Variants in ZNF573 observed in about 807,000 individuals in gnomAD.
The protein encoded by ZNF573 is zinc finger protein 573.
ZNF573 carries 41 observed loss-of-function variants against 57.4 expected under a neutral mutation model. The ratio of observed to expected loss-of-function variants is 0.71; its 90% CI spans 0.56 to 0.93. The LOEUF (loss-of-function observed/expected upper bound fraction) is 0.93, where lower values mean the gene tolerates loss of function less well. ZNF573 is among the 40% of genes least tolerant of loss of function. ZNF573 has a pLI of 0.00. For synonymous variants in ZNF573, 249 were observed against 261.0 expected, an observed-to-expected ratio of 0.95 and a Z score of 0.44; for missense variants, 730 against 794.8, an observed-to-expected ratio of 0.92 and a Z score of 0.98.
chr19:37,761,121 C>T (rs1007059895), intron 4 of ZNF573, among the ~76,000 whole-genome samples: 6 of 152,060 alleles, frequency 3.9e-5, no homozygotes, highest in Admixed American at 1.3e-4. Context: ...GCCTGGGAGG[C>T]GGAGGTGGCA....
At chr19:37,776,105 A>G (rs1377771244) in intron 1 of ZNF573, among the ~76,000 whole-genome samples, 1 of 152,190 alleles carries the variant, frequency 6.6e-6, no homozygotes, top group Non-Finnish European at 1.5e-5. Flanking sequence ...AAATACCATC[A>G]CCATTCTTCA....
rs765137370 is a variant in ZNF573 at position 37,739,130 on chromosome 19, A to G, written c.1360T>C (p.Tyr454His). Residue 454 changes from tyrosine (Y) to histidine (H), a missense_variant, in exon 5 of 5, where the codon TAT becomes CAT. Coordinates refer to ENST00000536220, the MANE Select transcript of ZNF573 (RefSeq NM_001172690.2). ...CKECKKTFTL[Y>H]RNLTRHQNIH... ...TTCTGATGTCGAGTAAGATTTCTAT[A>G]CAAAGTAAAGGTTTTTTTACACTCC... 1 of 1,613,098 alleles carries G rather than the reference A, an allele frequency of 6.2e-7. No homozygotes were observed. Among genetic ancestry groups the G allele is most frequent in the Non-Finnish European group, 8.5e-7 (1 of 1,179,756 alleles).
intron 4 of ZNF573, among the ~76,000 whole-genome samples, chr19:37,752,835 A>G (rs1324202615): frequency 6.6e-6 from 1 of 152,084 alleles, no homozygotes; most frequent in East Asian, 1.9e-4. Context: ...GGATCCTACT[A>G]TGTTGCCCAA....
chr19:37,768,450 T>C, intron 4 of ZNF573, among the ~76,000 whole-genome samples: 1 of 152,062 alleles, frequency 6.6e-6, no homozygotes, highest in Non-Finnish European at 1.5e-5. Flanking sequence ...GCTTCAGCCA[T>C]CTCCTTAGCC....
In ZNF573 at chr19:37,739,098, G is replaced by A. The variant is rs774509315; in HGVS notation, c.1392C>T (p.His464=). ...GACATTCAAAAAGTTTCTTACCAGT[G>A]TGAATATTCTGATGTCGAGTAAGAT... ...YRNLTRHQNI[H]TGKKLFECQE... Residue 464 remains histidine (H), a synonymous_variant, in exon 5 of 5, where the codon CAC becomes CAT. Coordinates refer to ENST00000536220, the MANE Select transcript of ZNF573 (RefSeq NM_001172690.2). The A allele has an allele frequency of 7.2e-5, 116 of 1,613,196 alleles. No homozygotes were observed. The highest frequency in any genetic ancestry group is 9.7e-5 in the Non-Finnish European group (114 of 1,179,704).
In ZNF573 at chr19:37,740,208, GGAC is replaced by G; in HGVS notation, c.296-17_296-15del. ...GTAAATCCAAATCTGAAACAAAAGA[GGAC>G]AACAAAAAAAATTTGTATTTCTATA... On this transcript the variant is annotated splice_polypyrimidine_tract_variant and intron_variant, in intron 4 of 4. Coordinates refer to ENST00000536220, the MANE Select transcript of ZNF573 (RefSeq NM_001172690.2). 6.5e-7 allele frequency: 1 copy of G among 1,527,016 alleles called. No homozygotes were observed. Among genetic ancestry groups the G allele is most frequent in the South Asian group, 1.3e-5 (1 of 76,254 alleles). The allele number at this position is 1,527,016 out of a possible 1,614,324, so 94.6% of individuals were successfully genotyped here.
chr19:37,749,930 AAT>A (rs2045417316), intron 4 of ZNF573, among the ~76,000 whole-genome samples: 1 of 152,212 alleles, frequency 6.6e-6, no homozygotes, highest in African/African-American at 2.4e-5. Context: ...AGCATTATGT[AAT>A]TTGCATAAGT....
chr19:37,743,497 T>C (rs2045347869), intron 4 of ZNF573, among the ~76,000 whole-genome samples: 1 of 152,128 alleles, frequency 6.6e-6, no homozygotes, highest in Non-Finnish European at 1.5e-5. Flanking sequence ...CAATAGATGC[T>C]GGTGAGGCTG....
chr19:37,748,692 G>A (rs896480442), intron 4 of ZNF573, among the ~76,000 whole-genome samples: 1 of 152,070 alleles, frequency 6.6e-6, no homozygotes. Context: ...ACTTTGGGAG[G>A]CCAAGGCAGG....
Position 37,771,546 on chromosome 19 carries a change from T to G in ZNF573, c.202+18A>C. Reference sequence around the variant, plus strand: ...ATCACAGATCACATTTTAAATTACTTGAGGCAAATAAACTTACCCAGTGAT... The same window carrying G: ...ATCACAGATCACATTTTAAATTACTGGAGGCAAATAAACTTACCCAGTGAT... On this transcript the variant is annotated intron_variant, in intron 3 of 4. Coordinates refer to ENST00000536220, the MANE Select transcript of ZNF573 (RefSeq NM_001172690.2). 2.5e-6 allele frequency: 4 copies of G among 1,608,286 alleles called. No individual in the cohort carries two copies. Among genetic ancestry groups the G allele is most frequent in the Non-Finnish European group, 3.4e-6 (4 of 1,177,410 alleles).
intron 4 of ZNF573, among the ~76,000 whole-genome samples, chr19:37,761,647 T>A (rs1354146533): frequency 6.6e-6 from 1 of 152,220 alleles, no homozygotes; most frequent in African/African-American, 2.4e-5. Context: ...AAGGAAGGAA[T>A]ACGTGTTCTG....
intron 1 of ZNF573, chr19:37,778,651 G>C (rs2045734517): frequency 6.6e-6 from 1 of 152,038 alleles, no homozygotes; most frequent in Non-Finnish European, 1.5e-5. Context: ...AAGCCAACTA[G>C]CCTAAACATT....
chr19:37,753,941 T>C (rs554914379), intron 4 of ZNF573, among the ~76,000 whole-genome samples: 3 of 152,318 alleles, frequency 2.0e-5, no homozygotes, highest in Admixed American at 2.0e-4. Flanking sequence ...AGTTTAAATA[T>C]ACAAGAACTC....
At chr19:37,749,135 A>G (rs1286655571) in intron 4 of ZNF573, among the ~76,000 whole-genome samples, 7 of 151,972 alleles carry the variant, frequency 4.6e-5, no homozygotes, top group African/African-American at 1.7e-4. Context: ...TACATAGTTA[A>G]GAGGTGAAAT....
intron 3 of ZNF573, among the ~76,000 whole-genome samples, chr19:37,771,230 C>A (rs931150867): frequency 1.3e-5 from 2 of 151,550 alleles, no homozygotes; most frequent in Non-Finnish European, 2.9e-5. Context: ...GAAATATGCA[C>A]AATGGGAAAC....
intron 4 of ZNF573, among the ~76,000 whole-genome samples, chr19:37,756,320 G>A (rs768866466): frequency 4.6e-5 from 7 of 152,146 alleles, no homozygotes; most frequent in Non-Finnish European, 8.8e-5. Context: ...TTCATGTTAT[G>A]CTTTATGAGG....
intron 2 of ZNF573, 73 bp downstream of exon 2, chr19:37,773,588 G>T: frequency 8.3e-7 from 1 of 1,207,560 alleles, no homozygotes; most frequent in Non-Finnish European, 1.2e-6. Flanking sequence ...TAAATAGGAA[G>T]CCTTAGGTTA....
chr19:37,756,666 T>C (rs1234295472), intron 4 of ZNF573, among the ~76,000 whole-genome samples: 3 of 152,160 alleles, frequency 2.0e-5, no homozygotes, highest in African/African-American at 7.2e-5. Context: ...TCTGTTCTTT[T>C]GTTTTAATTT....
intron 4 of ZNF573, among the ~76,000 whole-genome samples, chr19:37,764,921 T>C (rs1165262727): frequency 6.7e-6 from 1 of 149,660 alleles, no homozygotes; most frequent in Non-Finnish European, 1.5e-5. Context: ...TTTTTTTTTT[T>C]TGAGACGGAG....
Sources: allele counts gnomAD v4.1 joint callset (sites outside exome capture counted in the v4.1 genomes callset), GRCh38; gene constraint gnomAD v4.1.1; transcripts MANE v1.5; gene names NCBI Gene and HGNC (gene_info 2026-07-23, HGNC 2026-07-21).